Variants in GRIA4 observed in about 807,000 individuals in gnomAD.
GRIA4 encodes the protein glutamate receptor 4.
In GRIA4, 34 loss-of-function variants were observed where a neutral mutation model predicts 104.0. The observed-to-expected ratio is 0.33, with a 90% confidence interval of 0.25 to 0.44. The LOEUF (loss-of-function observed/expected upper bound fraction) is 0.44. GRIA4 is among the 20% of genes least tolerant of loss of function. The probability of loss-of-function intolerance (pLI) is 1.00; values close to 1 mark genes in which losing one functional copy is unlikely to be tolerated. For missense variants in GRIA4, 750 were observed against 1,096.5 expected, an observed-to-expected ratio of 0.68 and a Z score of 4.46; for synonymous variants, 386 against 381.9, an observed-to-expected ratio of 1.01 and a Z score of -0.13.
Position 105,980,051 on chromosome 11 carries a change from A to C in GRIA4, c.*312A>C. 3.9e-6 allele frequency: 1 copy of C among 254,906 alleles called. No individual in the cohort carries two copies. The highest frequency in any genetic ancestry group is 7.9e-5 in the South Asian group (1 of 12,658). 15.8% of individuals were successfully genotyped at this position (254,906 alleles called of 1,614,324 possible). A position where few individuals can be genotyped will look rare whatever the true frequency, so the allele number is the denominator to read the frequency against. On this transcript the variant is annotated 3_prime_UTR_variant, in exon 17 of 17. Coordinates refer to ENST00000282499, the MANE Select transcript of GRIA4 (RefSeq NM_000829.4). ...ATTCGAGTGGACTCAAAAACTAATC[A>C]GACTTATGAGTTAGCGCATTAAACT...
chr11:105,877,931 C>T (rs1399998116), intron 5 of GRIA4, among the ~76,000 whole-genome samples: 1 of 152,172 alleles, frequency 6.6e-6, no homozygotes, highest in Non-Finnish European at 1.5e-5. Context: ...AACTCATTCT[C>T]TGTCCAGTTT....
At chr11:105,754,671 A>C (rs561660045) in intron 4 of GRIA4, among the ~76,000 whole-genome samples, 1 of 152,256 alleles carries the variant, frequency 6.6e-6, no homozygotes, top group African/African-American at 2.4e-5. Flanking sequence ...CATGTTTTCC[A>C]ATTCTGTTTT....
At chr11:105,739,123 G>A (rs1466335199) in intron 3 of GRIA4, among the ~76,000 whole-genome samples, 1 of 151,998 alleles carries the variant, frequency 6.6e-6, no homozygotes, top group Non-Finnish European at 1.5e-5. Flanking sequence ...CCAAATTACT[G>A]CCAAGGAAGC....
At chr11:105,860,027 G>A (rs941043502) in intron 4 of GRIA4, among the ~76,000 whole-genome samples, 7 of 152,062 alleles carry the variant, frequency 4.6e-5, no homozygotes, top group African/African-American at 1.7e-4. Context: ...GGAGGATCTA[G>A]GTAAGATTTG....
intron 5 of GRIA4, among the ~76,000 whole-genome samples, chr11:105,880,069 T>C (rs1945992143): frequency 6.6e-6 from 1 of 152,122 alleles, no homozygotes; most frequent in Admixed American, 6.5e-5. Context: ...ATTAGAACTA[T>C]ATTTATATTG....
chr11:105,823,417 A>C (rs1943648419), intron 4 of GRIA4, among the ~76,000 whole-genome samples: 1 of 152,134 alleles, frequency 6.6e-6, no homozygotes, highest in Non-Finnish European at 1.5e-5. Flanking sequence ...CAAAAAGAGA[A>C]GAAAAAATAC....
chr11:105,978,468 G>A (rs989359169), intron 16 of GRIA4, among the ~76,000 whole-genome samples: 2 of 151,978 alleles, frequency 1.3e-5, no homozygotes, highest in African/African-American at 4.8e-5. Flanking sequence ...CTAGCAATTT[G>A]ACTTCAACTT....
At chr11:105,688,517 C>T (rs936599578) in intron 3 of GRIA4, among the ~76,000 whole-genome samples, 12 of 151,956 alleles carry the variant, frequency 7.9e-5, no homozygotes, top group African/African-American at 2.4e-4. Flanking sequence ...GAGCCGAGAT[C>T]GTGCCACTGC....
At chr11:105,626,683 C>T (rs1010662850) in intron 3 of GRIA4, among the ~76,000 whole-genome samples, 1 of 152,148 alleles carries the variant, frequency 6.6e-6, no homozygotes, top group Non-Finnish European at 1.5e-5. Flanking sequence ...AGCCAAGCTG[C>T]TTAAGGAAGT....
intron 5 of GRIA4, among the ~76,000 whole-genome samples, chr11:105,867,271 C>T (rs1565301247): frequency 6.6e-6 from 1 of 152,128 alleles, no homozygotes; most frequent in African/African-American, 2.4e-5. Context: ...TTTCTCAAAC[C>T]TAAATGAGGC....
chr11:105,858,178 C>T (rs529888406), intron 4 of GRIA4, among the ~76,000 whole-genome samples: 1 of 151,932 alleles, frequency 6.6e-6, no homozygotes, highest in African/African-American at 2.4e-5. Flanking sequence ...GTGATTATGT[C>T]GATGATATGC....
chr11:105,970,084 A>T (rs766211088), intron 14 of GRIA4, among the ~76,000 whole-genome samples: 1 of 152,058 alleles, frequency 6.6e-6, no homozygotes, highest in African/African-American at 2.4e-5. Flanking sequence ...CATAATCCTC[A>T]ACTCACCCCA....
At chr11:105,944,258 T>C (rs1373191558) in intron 14 of GRIA4, among the ~76,000 whole-genome samples, 3 of 152,164 alleles carry the variant, frequency 2.0e-5, no homozygotes, top group Non-Finnish European at 4.4e-5. Flanking sequence ...TTTGACAAAC[T>C]GAGATTCCAA....
At chr11:105,852,733 G>A (rs529162363) in intron 4 of GRIA4, among the ~76,000 whole-genome samples, 30 of 152,194 alleles carry the variant, frequency 2.0e-4, no homozygotes, top group Admixed American at 3.9e-4. Flanking sequence ...AAAATTAGGC[G>A]AATCATATGG....
intron 13 of GRIA4, among the ~76,000 whole-genome samples, chr11:105,930,607 T>G (rs533434560): frequency 4.6e-5 from 7 of 152,258 alleles, no homozygotes; most frequent in Admixed American, 3.3e-4. Flanking sequence ...TTAAAAAGAT[T>G]TATTTGCTTT....
chr11:105,898,614 T>A (rs1946747125), intron 7 of GRIA4, among the ~76,000 whole-genome samples, 187 bp downstream of exon 7: 1 of 152,046 alleles, frequency 6.6e-6, no homozygotes, highest in Admixed American at 6.6e-5. Context: ...AAGAGTAGAG[T>A]TTCTAGACAT....
chr11:105,862,217 T>C lies in GRIA4; in HGVS notation c.672+9T>C, dbSNP rs1330979988. On this transcript the variant is annotated intron_variant, in intron 5 of 16. Coordinates refer to ENST00000282499, the MANE Select transcript of GRIA4 (RefSeq NM_000829.4). Reference sequence around the variant, plus strand: ...AAAACATATTAGAACAGGTAAGTCCTAGATTTTATATTTTTAACCTAGACC... The same window carrying C: ...AAAACATATTAGAACAGGTAAGTCCCAGATTTTATATTTTTAACCTAGACC... 8 of 1,501,644 alleles carry C rather than the reference T, an allele frequency of 5.3e-6. No individual in the cohort carries two copies. The highest frequency in any genetic ancestry group is 7.4e-6 in the Non-Finnish European group (8 of 1,079,992). The allele number at this position is 1,501,644 out of a possible 1,614,324, so 93.0% of individuals were successfully genotyped here.
intron 4 of GRIA4, 43 bp downstream of exon 4, chr11:105,753,263 T>G (rs1414832914): frequency 6.3e-7 from 1 of 1,593,762 alleles, no homozygotes; most frequent in Non-Finnish European, 8.6e-7. Context: ...ACTCTAATTT[T>G]CAATGTGAAA....
intron 3 of GRIA4, among the ~76,000 whole-genome samples, chr11:105,718,549 T>TC (rs1954181419): frequency 6.6e-6 from 1 of 152,078 alleles, no homozygotes. Context: ...CCATATAAAT[T>TC]ACAACAGAAA....
Sources: allele counts gnomAD v4.1 joint callset (sites outside exome capture counted in the v4.1 genomes callset), GRCh38; gene constraint gnomAD v4.1.1; transcripts MANE v1.5; gene names NCBI Gene and HGNC (gene_info 2026-07-23, HGNC 2026-07-21).